CHN2: variants seen among roughly 807,000 people sequenced by gnomAD.
CHN2 encodes beta-chimaerin.
In CHN2, 35 loss-of-function variants were observed where a neutral mutation model predicts 56.3. The observed-to-expected ratio is 0.62, with a 90% CI of 0.47 to 0.82. The LOEUF (loss-of-function observed/expected upper bound fraction) is 0.82. Ranked by LOEUF, CHN2 falls within the 40% of genes least tolerant of loss-of-function variation. The probability of loss-of-function intolerance (pLI) is 0.00; values close to 1 mark genes in which losing one functional copy is unlikely to be tolerated. For missense variants in CHN2, 491 were observed against 580.5 expected (o/e 0.85, Z 1.58); for synonymous variants, 210 against 212.8 (o/e 0.99, Z 0.12).
intron 1 of CHN2, among the ~76,000 whole-genome samples, chr7:29,235,366 T>C (rs1205221372): frequency 6.6e-6 from 1 of 152,150 alleles, no homozygotes; most frequent in Admixed American, 6.5e-5. Flanking sequence ...ATGGCTGTTA[T>C]TAAAAAGTCA....
At chr7:29,298,673 G>A (rs1357995374) in intron 1 of CHN2, among the ~76,000 whole-genome samples, 2 of 152,158 alleles carry the variant, frequency 1.3e-5, no homozygotes, top group African/African-American at 2.4e-5. Context: ...CTAGAATATC[G>A]ATCCAGGTTT....
At chr7:29,248,365 T>G (rs1308948590) in intron 1 of CHN2, among the ~76,000 whole-genome samples, 1 of 152,200 alleles carries the variant, frequency 6.6e-6, no homozygotes, top group Non-Finnish European at 1.5e-5. Flanking sequence ...GACCCTAGTC[T>G]TCCTCCAGCT....
At chr7:29,346,425 A>G (rs1797443871) in intron 1 of CHN2, among the ~76,000 whole-genome samples, 1 of 152,210 alleles carries the variant, frequency 6.6e-6, no homozygotes, top group African/African-American at 2.4e-5. Context: ...AGGCTGTTCC[A>G]TGCTTGACTG....
At chr7:29,182,741 G>C (rs1001082131) in intron 2 of CHN2, among the ~76,000 whole-genome samples, 14 of 152,314 alleles carry the variant, frequency 9.2e-5, no homozygotes, top group African/African-American at 3.4e-4. Flanking sequence ...GAAGCATTAA[G>C]GTTCTTAAAT....
intron 1 of CHN2, among the ~76,000 whole-genome samples, chr7:29,204,402 C>T (rs1018351110): frequency 6.6e-6 from 1 of 152,052 alleles, no homozygotes; most frequent in Non-Finnish European, 1.5e-5. Flanking sequence ...CATAATTTGG[C>T]TGCCTAATAT....
intron 10 of CHN2, among the ~76,000 whole-genome samples, chr7:29,505,144 CCA>C (rs1790429947): frequency 6.6e-6 from 1 of 152,094 alleles, no homozygotes; most frequent in Non-Finnish European, 1.5e-5. Context: ...GAGGGCACCC[CCA>C]GCACTAATGT....
At chr7:29,422,416 G>C (rs1024066842) in intron 6 of CHN2, among the ~76,000 whole-genome samples, 9 of 152,126 alleles carry the variant, frequency 5.9e-5, no homozygotes, top group African/African-American at 2.2e-4. Context: ...AAAAAATGAA[G>C]TCTCTGACTG....
chr7:29,320,155 G>C (rs1235897170), intron 1 of CHN2, among the ~76,000 whole-genome samples: 1 of 152,076 alleles, frequency 6.6e-6, no homozygotes, highest in Non-Finnish European at 1.5e-5. Flanking sequence ...ATTTCCCCAG[G>C]GTCAAAACCA....
intron 1 of CHN2, among the ~76,000 whole-genome samples, chr7:29,320,736 C>G (rs1795276304): frequency 6.6e-6 from 1 of 152,108 alleles, no homozygotes; most frequent in Non-Finnish European, 1.5e-5. Context: ...TGCTTTCTTT[C>G]TCTTTGTCCT....
At chr7:29,321,031 G>C (rs1253943606) in intron 1 of CHN2, among the ~76,000 whole-genome samples, 1 of 152,226 alleles carries the variant, frequency 6.6e-6, no homozygotes, top group Non-Finnish European at 1.5e-5. Context: ...TTGAGAATGA[G>C]ATCGCTTTAA....
chr7:29,273,270 A>C (rs931161939), intron 1 of CHN2, among the ~76,000 whole-genome samples: 2 of 147,838 alleles, frequency 1.4e-5, no homozygotes, highest in African/African-American at 5.0e-5. Flanking sequence ...TGGTCCATCC[A>C]TGATGTGGCA....
chr7:29,367,642 T>G (rs1404143515), intron 2 of CHN2, among the ~76,000 whole-genome samples: 2 of 152,168 alleles, frequency 1.3e-5, no homozygotes, highest in East Asian at 3.9e-4. Context: ...TTAGCCATAT[T>G]TAGTCTTCCA....
In CHN2 at chr7:29,509,351, C is replaced by G. The variant is rs764995193; in HGVS notation, c.1180C>G (p.Leu394Val). Residue 394 changes from leucine to valine, a missense_variant, in exon 12 of 13, where the codon CTG becomes GTG. Physicochemically the swap from Leu to Val is conservative, Grantham distance 32 (BLOSUM62 1). Coordinates refer to ENST00000222792, the MANE Select transcript of CHN2 (RefSeq NM_004067.4). ...GGAAGCCGTCCATGAAGTGCTGATGCTGCTGCCTCCTGCCCACTATGAAAC... is the reference window on the plus strand; with the variant it reads ...GGAAGCCGTCCATGAAGTGCTGATGGTGCTGCCTCCTGCCCACTATGAAAC... ...RLEAVHEVLM[L>V]LPPAHYETLR... is the part of the protein sequence containing the mutation. The G allele has an allele frequency of 6.2e-7, 1 of 1,614,080 alleles. No homozygotes were observed. Among genetic ancestry groups the G allele is most frequent in the Non-Finnish European group, 8.5e-7 (1 of 1,179,954 alleles).
intron 6 of CHN2, among the ~76,000 whole-genome samples, chr7:29,432,747 A>G (rs1039009509): frequency 8.5e-5 from 13 of 152,312 alleles, no homozygotes; most frequent in South Asian, 6.2e-4. Flanking sequence ...TGGACTAGCT[A>G]TGCGTCACGG....
intron 7 of CHN2, among the ~76,000 whole-genome samples, chr7:29,490,869 G>C (rs988015882): frequency 6.6e-6 from 1 of 152,174 alleles, no homozygotes; most frequent in African/African-American, 2.4e-5. Context: ...AATATTCCAA[G>C]TGGTTTTGAA....
chr7:29,340,956 G>A (rs1467182026), intron 1 of CHN2, among the ~76,000 whole-genome samples: 1 of 152,120 alleles, frequency 6.6e-6, no homozygotes, highest in East Asian at 1.9e-4. Flanking sequence ...CAGCTGCTAG[G>A]CGACTGAGAA....
chr7:29,348,064 T>C (rs939500941), intron 1 of CHN2, among the ~76,000 whole-genome samples: 1 of 148,146 alleles, frequency 6.8e-6, no homozygotes, highest in East Asian at 2.0e-4. Flanking sequence ...CTTTTTCTGT[T>C]TTTCAGCAAT....
At chr7:29,437,678 G>A (rs1030573073) in intron 6 of CHN2, among the ~76,000 whole-genome samples, 1 of 151,396 alleles carries the variant, frequency 6.6e-6, no homozygotes, top group South Asian at 2.1e-4. Flanking sequence ...CCTGCTAAGA[G>A]GCTTAGCATA....
intron 7 of CHN2, chr7:29,483,874 A>G: frequency 7.7e-7 from 1 of 1,301,842 alleles, no homozygotes. Context: ...GTTCTTCCAA[A>G]GAGCTCAGCT....
Sources: gnomAD v4.1 joint callset for allele counts (sites outside exome capture counted in the v4.1 genomes callset) on GRCh38, gnomAD v4.1.1 for gene constraint, MANE v1.5 for transcripts, NCBI Gene and HGNC (gene_info 2026-07-23, HGNC 2026-07-21) for gene names.